Variants in DIMT1 observed in about 807,000 individuals in gnomAD.
DIMT1 encodes the protein dimethyladenosine transferase.
A neutral mutation model predicts 43.2 loss-of-function variants in DIMT1; 36 were observed. The ratio of observed to expected loss-of-function variants is 0.83; its 90% confidence interval spans 0.64 to 1.10. DIMT1 has a LOEUF of 1.10. Among genes scored for constraint, DIMT1 ranks in the 50% least tolerant of loss-of-function variants. The pLI is 0.00. For missense variants in DIMT1, 341 were observed against 385.3 expected (o/e 0.88, Z 0.96); for synonymous variants, 126 against 130.3 (o/e 0.97, Z 0.22).
At chr5:62,391,283 T>C (rs944203434) in intron 10 of DIMT1, 1 of 259,092 alleles carries the variant, frequency 3.9e-6, no homozygotes. Flanking sequence ...GTAAATTAAA[T>C]TTTAAAGCAA....
intron 10 of DIMT1, chr5:62,391,855 G>A: frequency 6.7e-7 from 1 of 1,491,476 alleles, no homozygotes; most frequent in East Asian, 2.5e-5. Context: ...ATTTTAAGTT[G>A]TGCAAGCTAC....
At chr5:62,394,180 T>C (rs1343145643) in intron 7 of DIMT1, 133 bp from the exon 8 acceptor site, 1 of 941,576 alleles carries the variant, frequency 1.1e-6, no homozygotes, top group East Asian at 2.6e-5. Flanking sequence ...ATAATAAAAA[T>C]CACTGGCTGG....
At chr5:62,396,894 C>T (rs945720636) in intron 6 of DIMT1, among the ~76,000 whole-genome samples, 1 of 152,190 alleles carries the variant, frequency 6.6e-6, no homozygotes, top group Admixed American at 6.5e-5. Flanking sequence ...ACTGGTAAAG[C>T]CATATTTCAT....
rs755691846 is a variant in DIMT1, at chr5:62,390,889, C to T, written c.886G>A (p.Asp296Asn). 5.0e-6 allele frequency: 8 copies of T among 1,611,884 alleles called. No individual in the cohort carries two copies. Among genetic ancestry groups the T allele is most frequent in the Non-Finnish European group, 5.9e-6 (7 of 1,179,714 alleles). Reference protein sequence around the residue: ...SDKRARSMDIDDFIRLLHGFN... With the variant: ...SDKRARSMDINDFIRLLHGFN... ...AAATGTAATTACCTGATGAAGTCAT[C>T]TATGTCCATGGAACGGGCCCGTTTG... Residue 296 changes from aspartate (D) to asparagine (N), a missense_variant, in exon 11 of 12, where the codon GAT becomes AAT. Asp to Asn is a conservative substitution (Grantham distance 23, BLOSUM62 1). Coordinates refer to ENST00000199320, the MANE Select transcript of DIMT1 (RefSeq NM_014473.4).
At chr5:62,399,767 G>A (rs544050475) in intron 3 of DIMT1, among the ~76,000 whole-genome samples, 2 of 149,036 alleles carry the variant, frequency 1.3e-5, no homozygotes, top group South Asian at 2.2e-4. Flanking sequence ...TTATCTGGGC[G>A]TGGCGGCACG....
At chr5:62,394,659 T>C (rs925024734) in intron 6 of DIMT1, 52 bp from the exon 7 acceptor site, 10 of 1,606,238 alleles carry the variant, frequency 6.2e-6, no homozygotes, top group South Asian at 1.1e-5. Context: ...CAACTATAAA[T>C]GAATTTTAAC....
intron 6 of DIMT1, 35 bp from the exon 7 acceptor site, chr5:62,394,642 T>C (rs774519287): frequency 6.2e-7 from 1 of 1,610,204 alleles, no homozygotes; most frequent in Non-Finnish European, 8.5e-7. Flanking sequence ...AGGAAAATGG[T>C]CATTGTCAAC....
intron 8 of DIMT1, among the ~76,000 whole-genome samples, chr5:62,393,287 C>T (rs1742369337): frequency 6.6e-6 from 1 of 151,790 alleles, no homozygotes; most frequent in Non-Finnish European, 1.5e-5. Flanking sequence ...TGCTGCATGC[C>T]TGTAGTACCA....
At position 62,403,150 on chromosome 5, in the gene DIMT1, G is replaced by A; in HGVS notation, c.153+123C>T. On this transcript the variant is annotated intron_variant, in intron 2 of 11. Transcript: ENST00000199320. ...GCCCAAGAATCCTAGACAATTATTT[G>A]ATTCATTCAACAAATATTTACAGAG... The A allele has an allele frequency of 3.6e-6, 3 of 842,398 alleles. No homozygotes were observed. In the South Asian group the frequency reaches 4.7e-5, roughly 13 times the overall value. The allele number at this position is 842,398 out of a possible 1,614,324, so 52.2% of individuals were successfully genotyped here.
intron 3 of DIMT1, among the ~76,000 whole-genome samples, chr5:62,399,776 C>T (rs187242259): frequency 5.8e-4 from 85 of 145,920 alleles, no homozygotes; most frequent in African/African-American, 2.1e-3. Context: ...CGTGGCGGCA[C>T]GTGCCTGTAA....
chr5:62,392,832 T>C (rs1742356287), intron 9 of DIMT1, 94 bp downstream of exon 9: 9 of 760,298 alleles, frequency 1.2e-5, no homozygotes, highest in Admixed American at 2.4e-5. Flanking sequence ...ATAATCTTTA[T>C]GCTTTAGGGT....
rs1742152623 is a variant in DIMT1, at chr5:62,388,701, T to A, written c.*309A>T. ...AGGCCTTACAGTATATAACAGTAAA[T>A]AGAAGAGTAACATCTTTATACAATA... On this transcript the variant is annotated 3_prime_UTR_variant, in exon 12 of 12. Coordinates refer to ENST00000199320, the MANE Select transcript of DIMT1 (RefSeq NM_014473.4). 9.1e-6 allele frequency: 3 copies of A among 330,774 alleles called. No homozygotes were observed. Among genetic ancestry groups the A allele is most frequent in the Admixed American group, 9.5e-5 (2 of 21,098 alleles). The allele number at this position is 330,774 out of a possible 1,614,324, so 20.5% of individuals were successfully genotyped here. A position where few individuals can be genotyped will look rare whatever the true frequency, so the allele number is the denominator to read the frequency against.
intron 6 of DIMT1, among the ~76,000 whole-genome samples, chr5:62,397,365 G>T (rs1419070981): frequency 6.6e-6 from 1 of 152,130 alleles, no homozygotes; most frequent in Non-Finnish European, 1.5e-5. Context: ...CAGAAAAGAG[G>T]GTATGACAGT....
chr5:62,398,111 TAC>T (rs977376029), intron 6 of DIMT1, among the ~76,000 whole-genome samples: 4 of 152,140 alleles, frequency 2.6e-5, no homozygotes, highest in Non-Finnish European at 4.4e-5. Flanking sequence ...GCTCAGTTAG[TAC>T]AGAGTTTATT....
chr5:62,389,060 AAG>A lies in DIMT1; in HGVS notation c.900-10_900-9del, dbSNP rs533789023. On this transcript the variant is annotated splice_polypyrimidine_tract_variant and intron_variant, in intron 11 of 11. Transcript: ENST00000199320. ...TTGAATCCATGTAGCAATCTGAAAA[AAG>A]AAATCAAAATGGAATGGTACTGAAA... 6.4e-3 allele frequency: 10,337 copies of A among 1,611,086 alleles called. 54 individuals are homozygous for A. The highest frequency in any genetic ancestry group is 7.7e-3 in the Non-Finnish European group (9,060 of 1,178,564).
At chr5:62,391,910 C>A in intron 10 of DIMT1, 3 of 1,533,938 alleles carry the variant, frequency 2.0e-6, no homozygotes, top group Non-Finnish European at 2.6e-6. Flanking sequence ...GAATCTGATT[C>A]TTGTTATGGC....
intron 7 of DIMT1, 49 bp downstream of exon 7, chr5:62,394,435 A>G (rs1162362718): frequency 1.3e-6 from 2 of 1,582,676 alleles, no homozygotes; most frequent in African/African-American, 2.7e-5. Context: ...TGGGTGACAG[A>G]GTGAGATTCT....
chr5:62,392,229 C>A lies in DIMT1; in HGVS notation c.734G>T (p.Ser245Ile). 8.7e-6 allele frequency: 14 copies of A among 1,613,318 alleles called. No individual in the cohort carries two copies. The highest frequency in any genetic ancestry group is 1.2e-5 in the Non-Finnish European group (14 of 1,179,534). Residue 245 changes from serine to isoleucine, a missense_variant, in exon 10 of 12, where the codon AGT (serine) becomes ATT (isoleucine). Ser to Ile is a moderately radical substitution (Grantham distance 142, BLOSUM62 -2). Transcript: ENST00000199320. ...NKTLSAAFKS[S>I]AVQQLLEKNY... ...TTTTTCCAAGAGTTGTTGCACTGCA[C>A]TTGATCTATAGCATAAAGAAGTGAT...
At chr5:62,401,873 G>A (rs746346579) in intron 3 of DIMT1, among the ~76,000 whole-genome samples, 163 bp downstream of exon 3, 4 of 152,010 alleles carry the variant, frequency 2.6e-5, no homozygotes, top group Admixed American at 1.3e-4. Context: ...GAGCCACCGC[G>A]CCTGGCTGAA....
Sources: gnomAD v4.1 joint callset for allele counts (sites outside exome capture counted in the v4.1 genomes callset) on GRCh38, gnomAD v4.1.1 for gene constraint, MANE v1.5 for transcripts, NCBI Gene and HGNC (gene_info 2026-07-23, HGNC 2026-07-21) for gene names.